The following UBE2V2 variants were observed in gnomAD, a reference collection of about 807,000 sequenced individuals.
UBE2V2 encodes ubiquitin-conjugating enzyme E2 variant 2.
UBE2V2 carries 9 observed loss-of-function variants against 17.2 expected under a neutral mutation model. The observed-to-expected ratio is 0.52, with a 90% CI of 0.32 to 0.91. The LOEUF is 0.91. Among genes scored for constraint, UBE2V2 ranks in the 40% least tolerant of loss-of-function variants. UBE2V2 has a pLI of 0.04. For synonymous variants in UBE2V2, 61 were observed against 57.5 expected (o/e 1.06, Z -0.28); for missense variants, 133 against 182.6 (o/e 0.73, Z 1.56).
chr8:48,014,516 G>T (rs1003705460), intron 1 of UBE2V2, among the ~76,000 whole-genome samples: 1 of 151,532 alleles, frequency 6.6e-6, no homozygotes, highest in African/African-American at 2.4e-5. Flanking sequence ...GTGGTGATGG[G>T]CGCCTGTAGT....
Position 48,062,875 on chromosome 8 carries a change from T to C in UBE2V2, c.*2047T>C, listed in dbSNP as rs1194522706. 1 of 152,220 alleles carries C rather than the reference T, an allele frequency of 6.6e-6. No individual in the cohort carries two copies. The highest frequency in any genetic ancestry group is 1.5e-5 in the Non-Finnish European group (1 of 68,032). The allele number at this position is 152,220 out of a possible 1,614,324, so 9.4% of individuals were successfully genotyped here. A position where few individuals can be genotyped will look rare whatever the true frequency, so the allele number is the denominator to read the frequency against. On this transcript the variant is annotated 3_prime_UTR_variant, in exon 4 of 4. Coordinates refer to ENST00000523111, the MANE Select transcript of UBE2V2 (RefSeq NM_003350.3). ...TACATACAAATTAGTGCATTTGTAA[T>C]TTGTTAAATTTGAAATGAACTATTA... is the stretch of plus-strand genomic sequence containing the variant.
At chr8:48,039,632 G>T (rs2091448266) in intron 1 of UBE2V2, among the ~76,000 whole-genome samples, 1 of 151,946 alleles carries the variant, frequency 6.6e-6, no homozygotes, top group Non-Finnish European at 1.5e-5. Flanking sequence ...CATTTAATCT[G>T]CCTATAATTG....
chr8:48,004,250 T>C (rs1045137941), upstream of UBE2V2, among the ~76,000 whole-genome samples: 2 of 152,166 alleles, frequency 1.3e-5, no homozygotes, highest in African/African-American at 2.4e-5. Flanking sequence ...TTAAGAAATA[T>C]TGATATTTAG....
chr8:48,000,818 C>T, the UBE2V2 span, among the ~76,000 whole-genome samples: 1 of 119,918 alleles, frequency 8.3e-6, no homozygotes. Context: ...GGAGACTTTG[C>T]CTCAAAAAAA....
At chr8:48,055,903 C>T (rs541946340) in intron 3 of UBE2V2, among the ~76,000 whole-genome samples, 4 of 152,080 alleles carry the variant, frequency 2.6e-5, no homozygotes, top group East Asian at 1.9e-4. Context: ...GGACTACAGG[C>T]GCCCGCCACC....
At chr8:48,027,002 C>T (rs768364523) in intron 1 of UBE2V2, among the ~76,000 whole-genome samples, 8 of 151,858 alleles carry the variant, frequency 5.3e-5, no homozygotes, top group Non-Finnish European at 1.0e-4. Context: ...TCTTTTTTTT[C>T]GAGACGGAGT....
intron 1 of UBE2V2, among the ~76,000 whole-genome samples, chr8:48,015,571 A>G (rs2091262841): frequency 6.6e-6 from 1 of 152,132 alleles, no homozygotes; most frequent in Non-Finnish European, 1.5e-5. Flanking sequence ...CATGCTATAC[A>G]GTAGTGCTCT....
At chr8:48,002,089 G>GA in the UBE2V2 span, among the ~76,000 whole-genome samples, 46 of 139,922 alleles carry the variant, frequency 3.3e-4, no homozygotes, top group East Asian at 2.1e-3. Context: ...CTCCGACTCA[G>GA]AAAAAAAAAA....
intron 1 of UBE2V2, 64 bp downstream of exon 1, chr8:48,008,534 G>C: frequency 6.6e-7 from 1 of 1,519,872 alleles, no homozygotes; most frequent in South Asian, 1.2e-5. Flanking sequence ...TCCGTCTGCT[G>C]CTGGCGCCCG....
chr8:48,018,980 C>G (rs541133429), intron 1 of UBE2V2, among the ~76,000 whole-genome samples: 18 of 152,250 alleles, frequency 1.2e-4, no homozygotes, highest in African/African-American at 4.3e-4. Context: ...CCTGTAATCC[C>G]AGCACTTTGG....
intron 1 of UBE2V2, among the ~76,000 whole-genome samples, chr8:48,038,075 CT>C (rs1173835851): frequency 6.6e-6 from 1 of 152,104 alleles, no homozygotes; most frequent in African/African-American, 2.4e-5. Context: ...CTCCCCACGC[CT>C]TTTTTGGCTC....
At chr8:48,027,127 C>T (rs1012897978) in intron 1 of UBE2V2, among the ~76,000 whole-genome samples, 10 of 151,608 alleles carry the variant, frequency 6.6e-5, no homozygotes, top group African/African-American at 2.2e-4. Context: ...TTGGATGCCA[C>T]GTAGCTTGGA....
At chr8:48,017,393 G>C (rs1207138408) in intron 1 of UBE2V2, among the ~76,000 whole-genome samples, 1 of 128,238 alleles carries the variant, frequency 7.8e-6, no homozygotes, top group East Asian at 2.2e-4. Flanking sequence ...TTTTTTTTTT[G>C]GTGGAGTTTC....
At chr8:48,030,230 C>A (rs755341716) in intron 1 of UBE2V2, among the ~76,000 whole-genome samples, 54 of 152,182 alleles carry the variant, frequency 3.5e-4, no homozygotes, top group Middle Eastern at 6.9e-3. Flanking sequence ...TAGTAATGTC[C>A]TGGGGAAAGG....
rs567444968 is a variant in UBE2V2 at position 48,016,488 on chromosome 8, C to CT, written c.16+8029dup. Among the ~76,000 whole-genome samples the CT allele has an allele frequency of 6.7e-3, 981 of 146,428 alleles. 5 individuals carry two copies. Among genetic ancestry groups the CT allele is most frequent in the South Asian group, 0.027 (125 of 4,650 alleles). On this transcript the variant is annotated intron_variant, in intron 1 of 3. Coordinates refer to ENST00000523111, the MANE Select transcript of UBE2V2 (RefSeq NM_003350.3). ...CTCACCAACACTTGTTATCTGTCAT[C>CT]TTTTTTTTTTTGAGACGGAGTTTGG...
chr8:48,014,522 G>A (rs1278432473), intron 1 of UBE2V2, among the ~76,000 whole-genome samples: 1 of 151,642 alleles, frequency 6.6e-6, no homozygotes, highest in Non-Finnish European at 1.5e-5. Context: ...ATGGGCGCCT[G>A]TAGTCCCAGC....
At chr8:48,008,173 C>G (rs945090895), upstream of UBE2V2, among the ~76,000 whole-genome samples, 1 of 152,148 alleles carries the variant, frequency 6.6e-6, no homozygotes, top group African/African-American at 2.4e-5. Flanking sequence ...CCGATCGCCT[C>G]GGCCTCCCAA....
intron 1 of UBE2V2, among the ~76,000 whole-genome samples, chr8:48,019,454 G>C (rs1281290970): frequency 6.6e-6 from 1 of 152,044 alleles, no homozygotes; most frequent in African/African-American, 2.4e-5. Context: ...TGTGAACCTG[G>C]GAGTCGGGAG....
At chr8:48,050,154 T>C in intron 3 of UBE2V2, 176 bp downstream of exon 3, 1 of 428,492 alleles carries the variant, frequency 2.3e-6, no homozygotes, top group Non-Finnish European at 3.9e-6. Flanking sequence ...GTTTTTCTTT[T>C]ATTAATATAA....
Sources: allele counts gnomAD v4.1 joint callset (sites outside exome capture counted in the v4.1 genomes callset), GRCh38; gene constraint gnomAD v4.1.1; transcripts MANE v1.5; gene names NCBI Gene and HGNC (gene_info 2026-07-23, HGNC 2026-07-21).